EPHX2: variants seen among roughly 807,000 people sequenced by gnomAD.
EPHX2 encodes epoxide hydrolase 2.
A neutral mutation model predicts 78.7 loss-of-function variants in EPHX2; 74 were observed. That is an observed-to-expected ratio of 0.94 (90% CI 0.78 to 1.14). EPHX2 has a LOEUF of 1.14. EPHX2 is among the 50% of genes most tolerant of loss of function. The pLI is 0.00. For synonymous variants in EPHX2, 251 were observed against 255.2 expected (o/e 0.98, Z 0.16); for missense variants, 715 against 702.5 (o/e 1.02, Z -0.20).
At chr8:27,502,579 T>C (rs953698150) in intron 2 of EPHX2, among the ~76,000 whole-genome samples, 2 of 152,154 alleles carry the variant, frequency 1.3e-5, no homozygotes, top group Admixed American at 1.3e-4. Context: ...CACTGGCAGG[T>C]TCAGTGTCTG....
At chr8:27,493,776 T>C (rs2132703489) in intron 1 of EPHX2, among the ~76,000 whole-genome samples, 1 of 152,286 alleles carries the variant, frequency 6.6e-6, no homozygotes, top group East Asian at 1.9e-4. Context: ...TGGTTGTGTA[T>C]GTTAAAAAGG....
chr8:27,547,880 A>G (rs1417436299), downstream of EPHX2, among the ~76,000 whole-genome samples: 1 of 152,238 alleles, frequency 6.6e-6, no homozygotes, highest in East Asian at 1.9e-4. Flanking sequence ...TGCGAGAGAC[A>G]AGATTTCATT....
intron 5 of EPHX2, among the ~76,000 whole-genome samples, chr8:27,510,176 C>A (rs1212778546): frequency 1.3e-5 from 2 of 152,184 alleles, no homozygotes; most frequent in Non-Finnish European, 2.9e-5. Flanking sequence ...GCTTACGTCC[C>A]CATTTTAGAG....
intron 1 of EPHX2, among the ~76,000 whole-genome samples, chr8:27,500,516 T>A (rs2132713910): frequency 6.6e-6 from 1 of 152,278 alleles, no homozygotes; most frequent in South Asian, 2.1e-4. Context: ...AGAGGCAGAA[T>A]CGAAACCACA....
At chr8:27,544,066 G>A (rs1815502668) in intron 17 of EPHX2, 120 bp from the exon 18 acceptor site, 2 of 1,220,720 alleles carry the variant, frequency 1.6e-6, no homozygotes, top group African/African-American at 1.5e-5. Flanking sequence ...AAATCATGCA[G>A]GGTTTGGGCA....
rs968167930 is a variant in EPHX2 at position 27,543,790 on chromosome 8, C to T, written c.1491C>T (p.Phe497=). The part of the protein sequence containing the change: ...PALMVTAEKD[F]VLVPQMSQHM... ...TGATGGTCACGGCGGAGAAGGACTT[C>T]GTGCTCGTTCCTCAGATGTCCCAGC... is the stretch of plus-strand genomic sequence containing the variant. Residue 497 remains phenylalanine (F), a synonymous_variant, in exon 17 of 19, where the codon TTC becomes TTT. Coordinates refer to ENST00000521400, the MANE Select transcript of EPHX2 (RefSeq NM_001979.6). 6.8e-6 allele frequency: 11 copies of T among 1,613,952 alleles called. No individual in the cohort carries two copies. The highest frequency in any genetic ancestry group is 1.7e-5 in the Admixed American group (1 of 60,000).
intron 5 of EPHX2, among the ~76,000 whole-genome samples, chr8:27,511,525 G>A (rs1042893213): frequency 1.3e-5 from 2 of 152,268 alleles, no homozygotes; most frequent in Non-Finnish European, 2.9e-5. Context: ...CACCCAGCTG[G>A]AAGATGGGGA....
intron 11 of EPHX2, 121 bp from the exon 12 acceptor site, chr8:27,525,241 A>G (rs902587514): frequency 1.9e-5 from 15 of 809,096 alleles, no homozygotes; most frequent in Admixed American, 1.1e-4. Flanking sequence ...CTGCTAGTGT[A>G]TGACCTTGTG....
intron 8 of EPHX2, among the ~76,000 whole-genome samples, chr8:27,517,169 A>T (rs34181437): frequency 0.088 from 13,329 of 152,058 alleles, 716 homozygotes; most frequent in East Asian, 0.22. Context: ...TATTTCTTTG[A>T]TAATTTTTTC....
intron 3 of EPHX2, among the ~76,000 whole-genome samples, chr8:27,504,181 C>G (rs546065694): frequency 6.6e-6 from 1 of 152,200 alleles, no homozygotes; most frequent in Non-Finnish European, 1.5e-5. Context: ...TAGTCTAAGA[C>G]ATGAGGTCAA....
chr8:27,533,529 A>T (rs1329177159), intron 12 of EPHX2, among the ~76,000 whole-genome samples: 1 of 152,154 alleles, frequency 6.6e-6, no homozygotes, highest in Admixed American at 6.5e-5. Flanking sequence ...GCTTCATCCT[A>T]TTCTTTCTGT....
chr8:27,491,835 G>A (rs1004369707), intron 1 of EPHX2, among the ~76,000 whole-genome samples: 3 of 152,058 alleles, frequency 2.0e-5, no homozygotes, highest in Non-Finnish European at 4.4e-5. Flanking sequence ...ATACAATATG[G>A]TTTCAGCTAT....
At chr8:27,499,403 A>G (rs1352727175) in intron 1 of EPHX2, among the ~76,000 whole-genome samples, 1 of 152,220 alleles carries the variant, frequency 6.6e-6, no homozygotes, top group Non-Finnish European at 1.5e-5. Flanking sequence ...AAGTTGAGCA[A>G]GGCCACAGAT....
chr8:27,491,180 TCCGGGTGCTAGGCTGCAGACCCG>T lies in EPHX2; in HGVS notation c.-25_-3del, dbSNP rs764546851. On this transcript the variant is annotated 5_prime_UTR_variant, in exon 1 of 19. Coordinates refer to ENST00000521400, the MANE Select transcript of EPHX2 (RefSeq NM_001979.6). Reference sequence around the variant, plus strand: ...GCGCATCTCCCAGGTTAGCTGCGTGTCCGGGTGCTAGGCTGCAGACCCGCCGCCATGACGCTGCGCGCGGCCGT... The same window carrying T: ...GCGCATCTCCCAGGTTAGCTGCGTGTCCGCCATGACGCTGCGCGCGGCCGT... The T allele has an allele frequency of 1.8e-5, 28 of 1,554,302 alleles. No individual in the cohort carries two copies. In the South Asian group the frequency reaches 3.3e-4, roughly 18 times the overall value.
At chr8:27,537,814 G>T (rs1208112388) in intron 13 of EPHX2, among the ~76,000 whole-genome samples, 4 of 151,930 alleles carry the variant, frequency 2.6e-5, no homozygotes, top group Non-Finnish European at 5.9e-5. Context: ...TTGGGGAGTC[G>T]TATTTACTGT....
chr8:27,492,660 G>T (rs1438555183), intron 1 of EPHX2, among the ~76,000 whole-genome samples: 2 of 152,182 alleles, frequency 1.3e-5, no homozygotes, highest in Non-Finnish European at 1.5e-5. Context: ...TGGCTGGGGT[G>T]GCCAGCTTTT....
At chr8:27,541,104 G>C (rs546112207) in intron 15 of EPHX2, among the ~76,000 whole-genome samples, 4 of 152,172 alleles carry the variant, frequency 2.6e-5, no homozygotes, top group Admixed American at 1.3e-4. Flanking sequence ...TGGGGCAGGC[G>C]AGTGGCCTCT....
downstream of EPHX2, among the ~76,000 whole-genome samples, chr8:27,548,171 T>C (rs1289427170): frequency 1.3e-5 from 2 of 152,178 alleles, no homozygotes; most frequent in African/African-American, 4.8e-5. Flanking sequence ...AGTGAGTCTA[T>C]TAGACTAGAC....
intron 4 of EPHX2, among the ~76,000 whole-genome samples, chr8:27,505,475 G>T (rs1813968378): frequency 6.6e-6 from 1 of 152,196 alleles, no homozygotes; most frequent in East Asian, 1.9e-4. Context: ...AAGACTAGTA[G>T]TCAGGTTCAT....
Sources: gnomAD v4.1 joint callset for allele counts (sites outside exome capture counted in the v4.1 genomes callset) on GRCh38, gnomAD v4.1.1 for gene constraint, MANE v1.5 for transcripts, NCBI Gene and HGNC (gene_info 2026-07-23, HGNC 2026-07-21) for gene names.